Variants in TENT5D observed in about 807,000 individuals in gnomAD.
TENT5D encodes the protein cancer/testis antigen 112.
For synonymous variants in TENT5D, 103 were observed against 100.6 expected (o/e 1.02, Z -0.15); for missense variants, 191 against 287.0 (o/e 0.67, Z 2.42).
chrX:80,416,955 A>G (rs1931789253), upstream of TENT5D, among the ~76,000 whole-genome samples: 1 of 111,247 alleles, frequency 9.0e-6, no homozygotes, highest in Admixed American at 9.6e-5. Flanking sequence ...TAGGTTTTTA[A>G]GAACTTGCCT....
chrX:80,394,391 C>CTTTTTTT (rs35632962), intron 3 of TENT5D, among the ~76,000 whole-genome samples: 26 of 36,662 alleles, frequency 7.1e-4, no homozygotes, highest in East Asian at 5.4e-3. Context: ...AGGTCCTTTC[C>CTTTTTTT]TTTTTTTTTT....
chrX:80,427,174 A>T (rs1932003004), intron 1 of TENT5D, among the ~76,000 whole-genome samples: 1 of 111,905 alleles, frequency 8.9e-6, no homozygotes, highest in Admixed American at 9.6e-5. Context: ...ATTACATGTT[A>T]TAATGGTAAC....
At chrX:80,421,352 A>AT (rs779922591) in intron 1 of TENT5D, among the ~76,000 whole-genome samples, 2 of 109,508 alleles carry the variant, frequency 1.8e-5, no homozygotes, top group South Asian at 3.9e-4. Context: ...CACCCAGCTA[A>AT]TTTTTTTTTG....
chrX:80,425,895 T>C (rs1190949558), intron 1 of TENT5D, among the ~76,000 whole-genome samples: 3 of 110,173 alleles, frequency 2.7e-5, no homozygotes, highest in Non-Finnish European at 5.7e-5. Context: ...AGCATGGTGG[T>C]GGGCACCTGT....
At chrX:80,351,196 C>T (rs1930170550) in intron 3 of TENT5D, among the ~76,000 whole-genome samples, 1 of 110,696 alleles carries the variant, frequency 9.0e-6, no homozygotes, top group Non-Finnish European at 1.9e-5. Context: ...GCCTGTCTTG[C>T]TAGGTTGGGG....
At chrX:80,338,147 C>G (rs1388678077) in intron 2 of TENT5D, among the ~76,000 whole-genome samples, 2 of 111,730 alleles carry the variant, frequency 1.8e-5, no homozygotes, top group Admixed American at 1.9e-4. Flanking sequence ...TTTGCTTCTT[C>G]CTGTCTACCA....
chrX:80,368,543 G>T (rs1165411916), intron 3 of TENT5D, among the ~76,000 whole-genome samples: 1 of 111,529 alleles, frequency 9.0e-6, no homozygotes, highest in Non-Finnish European at 1.9e-5. Context: ...AGGTATTTGA[G>T]AATTATTTAT....
chrX:80,412,110 G>C (rs186255048), intron 3 of TENT5D, among the ~76,000 whole-genome samples: 105 of 112,924 alleles, frequency 9.3e-4, no homozygotes, highest in African/African-American at 2.8e-3. Flanking sequence ...TGCACCTGCA[G>C]GCTCAATGCC....
At chrX:80,396,242 A>G (rs1298546535) in intron 3 of TENT5D, among the ~76,000 whole-genome samples, 4 of 110,543 alleles carry the variant, frequency 3.6e-5, no homozygotes, top group Non-Finnish European at 5.7e-5. Flanking sequence ...TGGTAGTTAT[A>G]GTTTTAGTTT....
At chrX:80,388,178 C>A (rs1423392044) in intron 3 of TENT5D, among the ~76,000 whole-genome samples, 2 of 110,851 alleles carry the variant, frequency 1.8e-5, no homozygotes, top group African/African-American at 6.6e-5. Flanking sequence ...GTCCAAGCGC[C>A]AAGGCCTAGA....
intron 1 of TENT5D, among the ~76,000 whole-genome samples, chrX:80,425,465 G>T (rs910485906): frequency 3.6e-5 from 4 of 112,156 alleles, no homozygotes; most frequent in African/African-American, 1.3e-4. Context: ...AATCCTGTAT[G>T]CTTTTCCATT....
At position 80,381,316 on chromosome X, in the gene TENT5D, G is replaced by T. The variant is rs1042134363; in HGVS notation, c.-142+38752G>T. Among the ~76,000 whole-genome samples, 7 of 112,130 alleles carry T rather than the reference G, an allele frequency of 6.2e-5. No homozygotes were observed. In the Admixed American group the frequency reaches 6.6e-4, roughly 11 times the overall value. ...CTCTCTTCTGGCTTGTAGAGTTTCTGCTGAGAGATCTGCTGTTAGTCTGAT... is the reference window on the plus strand; with the variant it reads ...CTCTCTTCTGGCTTGTAGAGTTTCTTCTGAGAGATCTGCTGTTAGTCTGAT... On this transcript the variant is annotated intron_variant, in intron 3 of 4. Coordinates refer to the TENT5D transcript ENST00000538312.
intron 1 of TENT5D, among the ~76,000 whole-genome samples, chrX:80,421,590 A>G (rs186694889): frequency 1.4e-4 from 16 of 112,790 alleles, no homozygotes; most frequent in Admixed American, 2.8e-4. Context: ...CAAATTAATC[A>G]TAAACTGAAT....
At chrX:80,407,457 T>C (rs2147550244) in intron 3 of TENT5D, among the ~76,000 whole-genome samples, 1 of 108,818 alleles carries the variant, frequency 9.2e-6, no homozygotes, top group Admixed American at 9.8e-5. Context: ...AATCCTAGTC[T>C]CTGATAAAAC....
chrX:80,390,275 T>C (rs969627787), intron 3 of TENT5D, among the ~76,000 whole-genome samples: 23 of 111,344 alleles, frequency 2.1e-4, no homozygotes, highest in African/African-American at 6.2e-4. Flanking sequence ...AATAATTGTC[T>C]AGGAAAGTGG....
chrX:80,440,219 G>A (rs1932257668), intron 2 of TENT5D, among the ~76,000 whole-genome samples: 1 of 111,683 alleles, frequency 9.0e-6, no homozygotes, highest in African/African-American at 3.2e-5. Context: ...AGATAATTAA[G>A]TGGCAATTGG....
At chrX:80,408,925 G>T (rs1210064271) in intron 3 of TENT5D, among the ~76,000 whole-genome samples, 2 of 110,517 alleles carry the variant, frequency 1.8e-5, no homozygotes, top group Admixed American at 1.9e-4. Flanking sequence ...TCATCCCTGG[G>T]ATGCAAGGCT....
At chrX:80,341,710 CTT>C (rs1051286979) in intron 2 of TENT5D, among the ~76,000 whole-genome samples, 1 of 91,440 alleles carries the variant, frequency 1.1e-5, no homozygotes, top group Non-Finnish European at 2.2e-5. Flanking sequence ...TAATTCTTTT[CTT>C]TTTTTTTTTT....
chrX:80,390,353 G>T (rs1300278022), intron 3 of TENT5D, among the ~76,000 whole-genome samples: 2 of 111,299 alleles, frequency 1.8e-5, no homozygotes, highest in East Asian at 5.6e-4. Context: ...TCACTTAGTG[G>T]TTATTAATAT....
Sources: gnomAD v4.1 joint callset for allele counts (sites outside exome capture counted in the v4.1 genomes callset) on GRCh38, gnomAD v4.1.1 for gene constraint, MANE v1.5 for transcripts, NCBI Gene and HGNC (gene_info 2026-07-23, HGNC 2026-07-21) for gene names.